WWP2: variants seen among roughly 807,000 people sequenced by gnomAD.
WWP2 encodes the protein NEDD4-like E3 ubiquitin-protein ligase WWP2.
WWP2 carries 57 observed loss-of-function variants against 121.0 expected under a neutral mutation model. That is an observed-to-expected ratio of 0.47 (90% confidence interval 0.38 to 0.59). The LOEUF is 0.59. Ranked by LOEUF, WWP2 falls within the 20% of genes least tolerant of loss-of-function variation. WWP2 has a pLI of 0.00. For synonymous variants in WWP2, 449 were observed against 441.3 expected (o/e 1.02, Z -0.22); for missense variants, 962 against 1,158.9 (o/e 0.83, Z 2.47).
chr16:69,765,852 G>A (rs752756646), intron 1 of WWP2, among the ~76,000 whole-genome samples: 1 of 151,960 alleles, frequency 6.6e-6, no homozygotes, highest in Non-Finnish European at 1.5e-5. Flanking sequence ...AGTTGGGGGC[G>A]GGGGTTCTCA....
intron 6 of WWP2, among the ~76,000 whole-genome samples, chr16:69,866,178 T>C (rs1213248874): frequency 2.6e-5 from 4 of 152,178 alleles, no homozygotes; most frequent in Non-Finnish European, 1.5e-5. Context: ...TTGTGGACTG[T>C]CCTGTCATTT....
chr16:69,937,127 T>G lies in WWP2; in HGVS notation c.2127T>G (p.Thr709=), dbSNP rs1335755037. The change falls in exon 20 of 24, where the codon ACT becomes ACG. Residue 709 remains threonine, a synonymous_variant. Transcript: ENST00000359154. This position sits in a 1 kb window ranked among gnomAD's most constrained non-coding sequence, Gnocchi z 6.6. ...ENKEEYIMLL[T]DWRFTRGVEE... ...TGCTCTTTGGTCTCAGGCTGCTGAC[T>G]GACTGGCGTTTCACCCGAGGCGTGG... 1 of 1,614,040 alleles carries G rather than the reference T, an allele frequency of 6.2e-7. No homozygotes were observed. The highest frequency in any genetic ancestry group is 1.3e-5 in the African/African-American group (1 of 75,052).
intron 4 of WWP2, among the ~76,000 whole-genome samples, chr16:69,815,590 A>C (rs1030637446): frequency 6.6e-6 from 1 of 151,856 alleles, no homozygotes; most frequent in African/African-American, 2.4e-5. Flanking sequence ...GTTTGAGACC[A>C]GCGTGGCCAA....
At position 69,843,080 on chromosome 16, in the gene WWP2, G is replaced by T. The variant is rs529943483; in HGVS notation, c.575+960G>T. 2.6e-5 allele frequency among the ~76,000 whole-genome samples: 4 copies of T among 152,236 alleles called. No individual in the cohort carries two copies. The South Asian group carries it at 8.3e-4, about 32-fold the overall frequency. ...AGTAGGTTATTGGATAAAAGGAACT[G>T]TTGAACAGGAAACTTGACTGCTTTT... On this transcript the variant is annotated intron_variant, in intron 6 of 23. Transcript: ENST00000359154.
At chr16:69,866,174 A>G (rs1365973358) in intron 6 of WWP2, among the ~76,000 whole-genome samples, 4 of 152,060 alleles carry the variant, frequency 2.6e-5, no homozygotes, top group African/African-American at 9.7e-5. Context: ...AGTATTGTGG[A>G]CTGTCCTGTC....
intron 8 of WWP2, among the ~76,000 whole-genome samples, chr16:69,901,522 C>T (rs1250843076): frequency 3.9e-5 from 6 of 152,036 alleles, no homozygotes; most frequent in Admixed American, 6.5e-5. Flanking sequence ...ATGCCATTCT[C>T]CTGCTTCAGC....
chr16:69,834,737 A>G (rs767342109), intron 4 of WWP2, among the ~76,000 whole-genome samples: 1 of 151,952 alleles, frequency 6.6e-6, no homozygotes, highest in Admixed American at 6.6e-5. Context: ...CATGTTGGCC[A>G]GGCTGGTCTC....
At chr16:69,879,016 A>G (rs1383899121) in intron 7 of WWP2, among the ~76,000 whole-genome samples, 1 of 152,196 alleles carries the variant, frequency 6.6e-6, no homozygotes, top group African/African-American at 2.4e-5. Flanking sequence ...TGCTAATAGT[A>G]TTAAGTGCCA....
intron 6 of WWP2, among the ~76,000 whole-genome samples, chr16:69,847,490 A>G (rs1187095755): frequency 1.3e-5 from 2 of 148,164 alleles, no homozygotes; most frequent in Admixed American, 6.7e-5. Flanking sequence ...GCTCACTGCA[A>G]CTTCTCTCTC....
chr16:69,916,000 T>G (rs1248298770), intron 9 of WWP2, among the ~76,000 whole-genome samples: 3 of 150,952 alleles, frequency 2.0e-5, no homozygotes, highest in Non-Finnish European at 4.4e-5. Flanking sequence ...ATCCTGCTAC[T>G]CTACTCTAGC....
Position 69,938,959 on chromosome 16 carries a change from C to T in WWP2, c.2344-68C>T, listed in dbSNP as rs2058838719. ...AGAGGGGCCCCGCTGAGCTAGAGAG[C>T]TCCACGTTCGGGCAAAGTACTGGGC... On this transcript the variant is annotated intron_variant, in intron 21 of 23. Coordinates refer to ENST00000359154, the MANE Select transcript of WWP2 (RefSeq NM_001270454.2). The T allele has an allele frequency of 2.8e-6, 4 of 1,452,470 alleles. No homozygotes were observed. The South Asian group carries it at 3.6e-5, about 13-fold the overall frequency. 90.0% of individuals were successfully genotyped at this position (1,452,470 alleles called of 1,614,324 possible).
At chr16:69,776,309 A>G (rs1413528199) in intron 1 of WWP2, 1 of 152,140 alleles carries the variant, frequency 6.6e-6, no homozygotes, top group Admixed American at 6.5e-5. Flanking sequence ...CTATTTCACT[A>G]TGGTTACTTC....
intron 4 of WWP2, among the ~76,000 whole-genome samples, chr16:69,836,431 C>A (rs1366334350): frequency 6.6e-6 from 1 of 152,016 alleles, no homozygotes; most frequent in Non-Finnish European, 1.5e-5. Flanking sequence ...CCCCCTCTTT[C>A]ATGTGAAGCA....
At chr16:69,819,478 G>T (rs1486332413) in intron 4 of WWP2, among the ~76,000 whole-genome samples, 1 of 152,150 alleles carries the variant, frequency 6.6e-6, no homozygotes, top group Non-Finnish European at 1.5e-5. Context: ...ACTGACCCTT[G>T]GCACTGGCCT....
chr16:69,890,874 T>C, intron 8 of WWP2: 1 of 152,322 alleles, frequency 6.6e-6, no homozygotes, highest in Non-Finnish European at 1.5e-5. Flanking sequence ...GAAACACGTT[T>C]CTGAGGTAGA....
At chr16:69,871,976 T>C (rs370746900) in intron 7 of WWP2, 45 bp downstream of exon 7, 44 of 1,585,006 alleles carry the variant, frequency 2.8e-5, no homozygotes, top group Non-Finnish European at 3.5e-5. Context: ...AGCTGTGGGC[T>C]CTCACCCGTT....
intron 9 of WWP2, chr16:69,909,554 C>G (rs986777286): frequency 4.1e-6 from 4 of 985,258 alleles, no homozygotes; most frequent in African/African-American, 3.5e-5. Flanking sequence ...GCTTTTAGCT[C>G]CAGTTTTCCA....
chr16:69,915,678 G>T (rs553602507), intron 9 of WWP2, among the ~76,000 whole-genome samples: 37 of 152,300 alleles, frequency 2.4e-4, no homozygotes, highest in African/African-American at 7.2e-4. Context: ...CAGCAATGGG[G>T]CAAGAGACCA....
chr16:69,857,327 T>C (rs2057335643), intron 6 of WWP2, among the ~76,000 whole-genome samples: 1 of 152,196 alleles, frequency 6.6e-6, no homozygotes, highest in Non-Finnish European at 1.5e-5. Context: ...ACTCCTGACC[T>C]CGTGATCCAC....
Sources: allele counts gnomAD v4.1 joint callset (sites outside exome capture counted in the v4.1 genomes callset), GRCh38; gene constraint gnomAD v4.1.1; non-coding constraint Gnocchi (gnomAD v3.1); transcripts MANE v1.5; gene names NCBI Gene and HGNC (gene_info 2026-07-23, HGNC 2026-07-21).